The following PGCKA1 variants were observed in gnomAD, a reference collection of about 807,000 sequenced individuals.
The protein encoded by PGCKA1 is PDCD10 and GCKIII kinases-associated protein 1.
At chr4:37,554,745 G>A in the PGCKA1 span, among the ~76,000 whole-genome samples, 4 of 152,150 alleles carry the variant, frequency 2.6e-5, no homozygotes, top group Non-Finnish European at 5.9e-5. Context: ...AGGATGAATA[G>A]AATTTTGCAA....
the PGCKA1 span, among the ~76,000 whole-genome samples, chr4:37,459,511 T>C: frequency 6.6e-6 from 1 of 152,230 alleles, no homozygotes; most frequent in Non-Finnish European, 1.5e-5. Context: ...TTTAAACCCA[T>C]GTCCATGTAT....
chr4:37,583,467 C>T, the PGCKA1 span, among the ~76,000 whole-genome samples: 6 of 150,272 alleles, frequency 4.0e-5, no homozygotes, highest in African/African-American at 9.8e-5. Flanking sequence ...GACGGAATCT[C>T]GCTCTGTCGC....
At chr4:37,479,606 G>A in the PGCKA1 span, among the ~76,000 whole-genome samples, 2 of 152,206 alleles carry the variant, frequency 1.3e-5, no homozygotes, top group Non-Finnish European at 2.9e-5. Flanking sequence ...GGGAGGCAGT[G>A]GGCGCTAACC....
the PGCKA1 span, among the ~76,000 whole-genome samples, chr4:37,482,653 A>T: frequency 1.3e-5 from 2 of 152,214 alleles, no homozygotes; most frequent in East Asian, 1.9e-4. Context: ...CCAAATGTTA[A>T]TCACCAAGAC....
At chr4:37,529,826 G>T in the PGCKA1 span, among the ~76,000 whole-genome samples, 1 of 152,204 alleles carries the variant, frequency 6.6e-6, no homozygotes, top group East Asian at 1.9e-4. Context: ...CTGTCATTCA[G>T]TGTTCACCCC....
chr4:37,501,977 G>C, the PGCKA1 span, among the ~76,000 whole-genome samples: 9 of 152,116 alleles, frequency 5.9e-5, no homozygotes, highest in African/African-American at 2.2e-4. Flanking sequence ...TTTCATTTCT[G>C]GAAGGTTTTA....
At chr4:37,590,590 C>T in the PGCKA1 span, 72 of 1,614,140 alleles carry the variant, frequency 4.5e-5, no homozygotes, top group African/African-American at 5.7e-4. Flanking sequence ...AGTACAAGAC[C>T]ATGTCTTCCA....
chr4:37,517,086 C>G, the PGCKA1 span, among the ~76,000 whole-genome samples: 1 of 151,820 alleles, frequency 6.6e-6, no homozygotes. Flanking sequence ...CCTGTCTCTA[C>G]TAAAAATACA....
chr4:37,579,006 C>T, the PGCKA1 span, among the ~76,000 whole-genome samples: 16 of 152,042 alleles, frequency 1.1e-4, no homozygotes, highest in African/African-American at 3.9e-4. Context: ...TGCAGTGAGC[C>T]GAGATTGCGC....
At chr4:37,551,414 A>T in the PGCKA1 span, among the ~76,000 whole-genome samples, 102 of 152,338 alleles carry the variant, frequency 6.7e-4, no homozygotes, top group Admixed American at 1.2e-3. Context: ...CCCCAATTAC[A>T]TGCTCAACAG....
chr4:37,550,174 T>C, the PGCKA1 span, among the ~76,000 whole-genome samples: 1 of 152,180 alleles, frequency 6.6e-6, no homozygotes, highest in African/African-American at 2.4e-5. Flanking sequence ...GAACCTCCCA[T>C]GATCACAGTC....
chr4:37,583,050 A>G, the PGCKA1 span, among the ~76,000 whole-genome samples: 27 of 152,004 alleles, frequency 1.8e-4, no homozygotes, highest in Admixed American at 1.5e-3. Flanking sequence ...CCCTTTATGT[A>G]TCTTAGTGTG....
the PGCKA1 span, among the ~76,000 whole-genome samples, chr4:37,518,633 A>G: frequency 6.6e-6 from 1 of 152,098 alleles, no homozygotes; most frequent in African/African-American, 2.4e-5. Context: ...ATTTTTTCCT[A>G]TAGAGTTGTT....
chr4:37,453,357 T>TC, the PGCKA1 span, among the ~76,000 whole-genome samples: 1 of 152,022 alleles, frequency 6.6e-6, no homozygotes. Context: ...TTCATTGAAC[T>TC]CCCCCTGGGG....
chr4:37,500,170 C>T, the PGCKA1 span, among the ~76,000 whole-genome samples: 5 of 152,054 alleles, frequency 3.3e-5, no homozygotes, highest in Middle Eastern at 3.4e-3. Flanking sequence ...GTGATCTGTC[C>T]GCCTCAGCCT....
the PGCKA1 span, among the ~76,000 whole-genome samples, chr4:37,523,369 G>A: frequency 6.6e-6 from 1 of 151,920 alleles, no homozygotes; most frequent in East Asian, 1.9e-4. Context: ...AGAGAAGGGT[G>A]GTGTTGGTGA....
chr4:37,542,116 A>C, the PGCKA1 span, among the ~76,000 whole-genome samples: 2 of 152,168 alleles, frequency 1.3e-5, no homozygotes, highest in African/African-American at 4.8e-5. Context: ...TAAGGAAGGA[A>C]TCTCTGAGGT....
chr4:37,590,651 T>C, the PGCKA1 span: 12 of 1,614,112 alleles, frequency 7.4e-6, no homozygotes, highest in South Asian at 1.2e-4. Context: ...GGAGACAACG[T>C]TGATCATAAT....
At chr4:37,552,682 T>C in the PGCKA1 span, among the ~76,000 whole-genome samples, 1 of 152,044 alleles carries the variant, frequency 6.6e-6, no homozygotes, top group Admixed American at 6.6e-5. Context: ...CACGCCAGGC[T>C]TTTTTTTATC....
Sources: allele counts gnomAD v4.1 joint callset (sites outside exome capture counted in the v4.1 genomes callset), GRCh38; gene constraint gnomAD v4.1.1; transcripts MANE v1.5; gene names NCBI Gene and HGNC (gene_info 2026-07-23, HGNC 2026-07-21).